The following DTNB variants were observed in gnomAD, a reference collection of about 807,000 sequenced individuals.
DTNB encodes DTN-B.
Under a neutral mutation model 90.7 loss-of-function variants are expected in DTNB, and 63 were observed. That is an observed-to-expected ratio of 0.69 (90% confidence interval 0.57 to 0.86). The LOEUF (loss-of-function observed/expected upper bound fraction) is 0.86, where lower values mean the gene tolerates loss of function less well. Among genes scored for constraint, DTNB ranks in the 40% least tolerant of loss-of-function variants. The pLI is 0.00. For missense variants in DTNB, 744 were observed against 807.1 expected (o/e 0.92, Z 0.95); for synonymous variants, 277 against 286.7 (o/e 0.97, Z 0.34).
At chr2:25,435,561 A>C (rs148442323) in intron 12 of DTNB, among the ~76,000 whole-genome samples, 1 of 152,208 alleles carries the variant, frequency 6.6e-6, no homozygotes, top group Non-Finnish European at 1.5e-5. Context: ...GTTGTACCAC[A>C]TATCAGTACT....
At chr2:25,423,904 C>T (rs907761144) in intron 15 of DTNB, among the ~76,000 whole-genome samples, 1 of 152,162 alleles carries the variant, frequency 6.6e-6, no homozygotes, top group African/African-American at 2.4e-5. Flanking sequence ...AGGTGATCCA[C>T]CCACCTTGGC....
At chr2:25,408,013 A>G (rs1318339644) in intron 16 of DTNB, among the ~76,000 whole-genome samples, 1 of 152,158 alleles carries the variant, frequency 6.6e-6, no homozygotes, top group Non-Finnish European at 1.5e-5. Context: ...TGAAGTCAAG[A>G]GTTTGAGACT....
At chr2:25,419,465 G>A (rs1300279199) in intron 16 of DTNB, 50 bp downstream of exon 16, 1 of 1,553,804 alleles carries the variant, frequency 6.4e-7, no homozygotes. Flanking sequence ...AGGAAAGGAA[G>A]AACGTGCAAA....
intron 18 of DTNB, among the ~76,000 whole-genome samples, chr2:25,386,518 A>T (rs2039512169): frequency 6.6e-6 from 1 of 152,206 alleles, no homozygotes; most frequent in Non-Finnish European, 1.5e-5. Context: ...TTAACACAAA[A>T]CATGGAGACC....
intron 1 of DTNB, among the ~76,000 whole-genome samples, chr2:25,662,388 T>C (rs938837080): frequency 2.0e-5 from 3 of 152,172 alleles, no homozygotes; most frequent in African/African-American, 7.2e-5. Flanking sequence ...GATGGATCAA[T>C]TTCACAATAT....
At chr2:25,425,455 G>C (rs1048652901) in intron 15 of DTNB, among the ~76,000 whole-genome samples, 2 of 152,240 alleles carry the variant, frequency 1.3e-5, no homozygotes, top group South Asian at 4.1e-4. Context: ...AGAAGTTGGA[G>C]AAAGTCTCTA....
At chr2:25,633,894 C>G (rs2076387130) in intron 3 of DTNB, among the ~76,000 whole-genome samples, 1 of 151,814 alleles carries the variant, frequency 6.6e-6, no homozygotes. Flanking sequence ...AGCGTCTCTG[C>G]CCGGCCGCAC....
intron 15 of DTNB, chr2:25,421,088 C>T (rs2049514585): frequency 6.6e-6 from 1 of 152,112 alleles, no homozygotes; most frequent in Non-Finnish European, 1.5e-5. Context: ...ATTCATGCAG[C>T]CAGTCTTTAC....
intron 5 of DTNB, among the ~76,000 whole-genome samples, chr2:25,599,779 C>A (rs1267047972): frequency 6.6e-6 from 1 of 152,104 alleles, no homozygotes; most frequent in Non-Finnish European, 1.5e-5. Flanking sequence ...GAGGGAAGAA[C>A]ATAAATGATT....
chr2:25,434,043 A>G (rs773099314), intron 12 of DTNB, 48 bp from the exon 13 acceptor site: 13 of 1,531,658 alleles, frequency 8.5e-6, no homozygotes, highest in Admixed American at 3.6e-5. Flanking sequence ...TGATCCAAAT[A>G]TACCCAGAGT....
chr2:25,429,078 C>T (rs147275301), intron 14 of DTNB, among the ~76,000 whole-genome samples: 131 of 152,282 alleles, frequency 8.6e-4, no homozygotes, highest in Non-Finnish European at 9.1e-4. Context: ...GCGTGACTAC[C>T]GAGCCCCTGA....
At chr2:25,527,179 T>TA (rs957516225) in intron 9 of DTNB, among the ~76,000 whole-genome samples, 22 of 151,650 alleles carry the variant, frequency 1.5e-4, no homozygotes, top group African/African-American at 4.8e-4. Flanking sequence ...GGGGAAAAAA[T>TA]AAAAAAATTA....
intron 10 of DTNB, among the ~76,000 whole-genome samples, chr2:25,480,689 T>C (rs2064764420): frequency 6.6e-6 from 1 of 152,212 alleles, no homozygotes; most frequent in Non-Finnish European, 1.5e-5. Flanking sequence ...TAGTAAATGA[T>C]GAGAAGAATT....
intron 3 of DTNB, among the ~76,000 whole-genome samples, chr2:25,634,184 G>A (rs1366643545): frequency 6.7e-6 from 1 of 148,592 alleles, no homozygotes; most frequent in African/African-American, 2.5e-5. Flanking sequence ...CGCCCCTACT[G>A]GGAAGTGAGG....
intron 10 of DTNB, among the ~76,000 whole-genome samples, chr2:25,475,198 C>A (rs894362785): frequency 6.6e-6 from 1 of 152,230 alleles, no homozygotes; most frequent in Non-Finnish European, 1.5e-5. Context: ...TTGTGCCAAA[C>A]AGTCAAGCTA....
At chr2:25,617,176 C>T (rs1316830402) in intron 4 of DTNB, among the ~76,000 whole-genome samples, 1 of 152,088 alleles carries the variant, frequency 6.6e-6, no homozygotes, top group Non-Finnish European at 1.5e-5. Flanking sequence ...ACATCACAGG[C>T]TTTATTAAGG....
At position 25,605,361 on chromosome 2, in the gene DTNB, C is replaced by T. The variant is rs184598736; in HGVS notation, c.448+1875G>A. On this transcript the variant is annotated intron_variant, in intron 5 of 20. Coordinates refer to ENST00000406818, the MANE Select transcript of DTNB (RefSeq NM_021907.5). ...TGCTGACATGTCACCTTTGGCTTGGCCCGTGGGCTTTTGCACCACTTCAAT... is the reference window on the plus strand; with the variant it reads ...TGCTGACATGTCACCTTTGGCTTGGTCCGTGGGCTTTTGCACCACTTCAAT... 9.8e-4 allele frequency among the ~76,000 whole-genome samples: 149 copies of T among 152,308 alleles called. 1 individual carries two copies. Among genetic ancestry groups the T allele is most frequent in the East Asian group, 4.4e-3 (23 of 5,184 alleles).
chr2:25,478,517 CTCTTCT>C (rs745377535), intron 10 of DTNB, among the ~76,000 whole-genome samples: 3 of 151,940 alleles, frequency 2.0e-5, no homozygotes, highest in Non-Finnish European at 4.4e-5. Context: ...GGATCTCTCT[CTCTTCT>C]TCTTCTTCTT....
intron 9 of DTNB, among the ~76,000 whole-genome samples, chr2:25,499,719 T>C (rs937433556): frequency 1.3e-5 from 2 of 152,234 alleles, no homozygotes; most frequent in Non-Finnish European, 2.9e-5. Flanking sequence ...GTTTCACTTA[T>C]GAGCTTGTAA....
Sources: gnomAD v4.1 joint callset for allele counts (sites outside exome capture counted in the v4.1 genomes callset) on GRCh38, gnomAD v4.1.1 for gene constraint, MANE v1.5 for transcripts, NCBI Gene and HGNC (gene_info 2026-07-23, HGNC 2026-07-21) for gene names.